The following OLR1 variants were observed in gnomAD, a reference collection of about 807,000 sequenced individuals.
The protein encoded by OLR1 is oxidized low density lipoprotein receptor 1.
In OLR1, 23 loss-of-function variants were observed where a neutral mutation model predicts 31.7. The ratio of observed to expected loss-of-function variants is 0.72; its 90% CI spans 0.52 to 1.03. OLR1 has a LOEUF of 1.03. Among genes scored for constraint, OLR1 ranks in the 50% least tolerant of loss-of-function variants. OLR1 has a pLI of 0.00. For missense variants in OLR1, 286 were observed against 315.7 expected, an observed-to-expected ratio of 0.91 and a Z score of 0.71; for synonymous variants, 117 against 115.8, an observed-to-expected ratio of 1.01 and a Z score of -0.07.
At position 10,172,014 on chromosome 12, in the gene OLR1, T is replaced by A. The variant is rs994354306; in HGVS notation, c.64A>T (p.Lys22Ter). The A allele has an allele frequency of 6.2e-7, 1 of 1,613,488 alleles. No homozygotes were observed. The highest frequency in any genetic ancestry group is 8.5e-7 in the Non-Finnish European group (1 of 1,179,424). Residue 22 changes from lysine (K) to a stop codon, truncating the protein, a stop_gained, in exon 1 of 6, where the codon AAA becomes TAA. Transcript: ENST00000309539. LOFTEE classifies it high-confidence loss of function. ...CCATCCCTAGTACCTTTAGCTTTTT[T>A]TCCATTTGACTTCTCATCAGGCTGG... ...KDQPDEKSNG[K>*]KAKGLQFLYS...
chr12:10,158,746 C>CT lies in OLR1; in HGVS notation c.*1133dup, dbSNP rs1948595288. 6.6e-6 allele frequency: 1 copy of CT among 151,354 alleles called. No homozygotes were observed. Among genetic ancestry groups the CT allele is most frequent in the South Asian group, 2.1e-4 (1 of 4,814 alleles). The allele number at this position is 151,354 out of a possible 1,614,324, so 9.4% of individuals were successfully genotyped here. A position where few individuals can be genotyped will look rare whatever the true frequency, so the allele number is the denominator to read the frequency against. The stretch of plus-strand genomic sequence containing the variant: ...TTATGTTAATTATATCTCAATAAAG[C>CT]TTTTAACAAAAGCAAACATCTCTTG... On this transcript the variant is annotated 3_prime_UTR_variant, in exon 6 of 6. Transcript: ENST00000309539.
upstream of OLR1, among the ~76,000 whole-genome samples, chr12:10,172,937 T>C (rs1251473584): frequency 6.6e-6 from 1 of 152,176 alleles, no homozygotes; most frequent in East Asian, 1.9e-4. Flanking sequence ...TTTTTTACAC[T>C]AGGTTTGTGA....
At position 10,160,834 on chromosome 12, in the gene OLR1, G is replaced by A. The variant is rs751140676; in HGVS notation, c.516C>T (p.Cys172=). 1.2e-6 allele frequency: 2 copies of A among 1,614,136 alleles called. No homozygotes were observed. Among genetic ancestry groups the A allele is most frequent in the African/African-American group, 2.7e-5 (2 of 75,016 alleles). The change falls in exon 4 of 6, where the codon TGC becomes TGT. Residue 172 remains cysteine (C), a synonymous_variant. Transcript: ENST00000309539. ...SFNWEKSQEK[C]LSLDAKLLKI... is the part of the protein sequence containing the mutation. ...TCAGCAACTTGGCATCCAAAGACAA[G>A]CACTTCTCTTGGCTCTTTTCCCAGT... is the stretch of plus-strand genomic sequence containing the variant.
At chr12:10,161,624 T>A (rs774558183) in intron 3 of OLR1, among the ~76,000 whole-genome samples, 130 of 152,184 alleles carry the variant, frequency 8.5e-4, no homozygotes, top group Middle Eastern at 3.4e-3. Context: ...TCCAGGCTGG[T>A]CTTGAACTCC....
intron 4 of OLR1, 160 bp downstream of exon 4, chr12:10,160,626 G>T: frequency 9.9e-7 from 1 of 1,014,142 alleles, no homozygotes; most frequent in Non-Finnish European, 1.5e-6. Flanking sequence ...ATACTACAGA[G>T]CCTGTCCGTC....
chr12:10,168,413 C>T (rs1253190151), intron 2 of OLR1, among the ~76,000 whole-genome samples: 2 of 152,146 alleles, frequency 1.3e-5, no homozygotes, highest in Non-Finnish European at 2.9e-5. Flanking sequence ...CTCAGATGAT[C>T]TTGGATATTA....
At chr12:10,171,888 T>G (rs191104702) in intron 1 of OLR1, 114 bp downstream of exon 1, 1 of 699,346 alleles carries the variant, frequency 1.4e-6, no homozygotes, top group Admixed American at 2.7e-5. Context: ...ATGGTATTAA[T>G]TCTATTTTCC....
At position 10,172,101 on chromosome 12, in the gene OLR1, G is replaced by A. The variant is rs1368271547; in HGVS notation, c.-24C>T. ...ATTTCCAAATTCAAGCTAAGAATGAGAGAGTGAAGCAGTCACGAACTTCAA... is the reference window on the plus strand; with the variant it reads ...ATTTCCAAATTCAAGCTAAGAATGAAAGAGTGAAGCAGTCACGAACTTCAA... On this transcript the variant is annotated 5_prime_UTR_variant, in exon 1 of 6. Coordinates refer to ENST00000309539, the MANE Select transcript of OLR1 (RefSeq NM_002543.4). 16 of 1,582,466 alleles carry A rather than the reference G, an allele frequency of 1.0e-5. No individual in the cohort carries two copies. The highest frequency in any genetic ancestry group is 1.2e-5 in the Non-Finnish European group (14 of 1,151,706).
intron 3 of OLR1, among the ~76,000 whole-genome samples, chr12:10,166,342 A>G (rs1183657016): frequency 6.6e-6 from 1 of 152,110 alleles, no homozygotes; most frequent in Non-Finnish European, 1.5e-5. Flanking sequence ...AGCCTAGCCA[A>G]CATGGTGAAA....
upstream of OLR1, among the ~76,000 whole-genome samples, chr12:10,173,249 GAAGT>G (rs747352912): frequency 6.6e-6 from 1 of 152,028 alleles, no homozygotes; most frequent in African/African-American, 2.4e-5. Flanking sequence ...TCTTCTGAAG[GAAGT>G]ATTTATAAGC....
chr12:10,161,958 T>G (rs1204732252), intron 3 of OLR1, among the ~76,000 whole-genome samples: 1 of 146,596 alleles, frequency 6.8e-6, no homozygotes, highest in African/African-American at 2.5e-5. Context: ...AAACACATAC[T>G]ATATTTCTTT....
intron 2 of OLR1, 85 bp downstream of exon 2, chr12:10,168,989 G>T: frequency 1.1e-6 from 1 of 898,728 alleles, no homozygotes; most frequent in Non-Finnish European, 1.6e-6. Flanking sequence ...TAGTTGTTAT[G>T]AAAGAAACTT....
chr12:10,166,966 C>T lies in OLR1; in HGVS notation c.179-9G>A, dbSNP rs1412779897. The T allele has an allele frequency of 1.9e-6, 3 of 1,610,634 alleles. No homozygotes were observed. Among genetic ancestry groups the T allele is most frequent in the Admixed American group, 1.7e-5 (1 of 59,124 alleles). The stretch of plus-strand genomic sequence containing the variant: ...GTCAGACACCTGGGATACTGAATCA[C>T]AGTTGCATTAAGACTCTAGTTCTAA... On this transcript the variant is annotated splice_polypyrimidine_tract_variant and intron_variant, in intron 2 of 5. Coordinates refer to ENST00000309539, the MANE Select transcript of OLR1 (RefSeq NM_002543.4).
chr12:10,160,322 G>C lies in OLR1; in HGVS notation c.680+25C>G, dbSNP rs558117034. 1.1e-5 allele frequency: 17 copies of C among 1,540,570 alleles called. No individual in the cohort carries two copies. In the South Asian group the frequency reaches 1.9e-4, roughly 17 times the overall value. On this transcript the variant is annotated intron_variant, in intron 5 of 5. Coordinates refer to ENST00000309539, the MANE Select transcript of OLR1 (RefSeq NM_002543.4). ...AAAGAATAGGAAACTGACGAGAGAGGCATCAAAAAGAATGGGAAACTTACA... is the reference window on the plus strand; with the variant it reads ...AAAGAATAGGAAACTGACGAGAGAGCCATCAAAAAGAATGGGAAACTTACA...
chr12:10,170,580 C>A (rs1210087235), intron 1 of OLR1: 1 of 151,512 alleles, frequency 6.6e-6, no homozygotes, highest in Non-Finnish European at 1.5e-5. Context: ...CAACCTCCGC[C>A]TCCTGGGTTC....
At position 10,159,375 on chromosome 12, in the gene OLR1, G is replaced by A. The variant is rs1948601322; in HGVS notation, c.*505C>T. On this transcript the variant is annotated 3_prime_UTR_variant, in exon 6 of 6. Coordinates refer to ENST00000309539, the MANE Select transcript of OLR1 (RefSeq NM_002543.4). ...GATGGACCACAGTTTAAAAACCAAG[G>A]ATTGATACCTTTTTTAAAGTTAAGA... 6.5e-6 allele frequency: 1 copy of A among 154,030 alleles called. No homozygotes were observed. The highest frequency in any genetic ancestry group is 1.4e-5 in the Non-Finnish European group (1 of 69,096). The allele number at this position is 154,030 out of a possible 1,614,324, so 9.5% of individuals were successfully genotyped here.
At chr12:10,162,822 T>C (rs1948630935) in intron 3 of OLR1, among the ~76,000 whole-genome samples, 1 of 152,280 alleles carries the variant, frequency 6.6e-6, no homozygotes, top group African/African-American at 2.4e-5. Flanking sequence ...AGGAAGACTC[T>C]GTCTCAAAAA....
At chr12:10,176,161 C>T (rs1015792797), upstream of OLR1, among the ~76,000 whole-genome samples, 2 of 152,216 alleles carry the variant, frequency 1.3e-5, no homozygotes, top group Admixed American at 6.5e-5. Context: ...TTCGTTCAGT[C>T]TTCTTGTCTG....
In OLR1 at chr12:10,159,992, G is replaced by T; in HGVS notation, c.710C>A (p.Thr237Lys). The change falls in exon 6 of 6, where the codon ACA becomes AAA. Residue 237 changes from threonine to lysine, a missense_variant. Coordinates refer to ENST00000309539, the MANE Select transcript of OLR1 (RefSeq NM_002543.4). ...LFRVRGAVSQ[T>K]YPSGTCAYIQ... ...ATATGCACAGGTACCTGAAGGGTAT[G>T]TCTGGGAGACAGCGCCTCGGACTCT... The T allele has an allele frequency of 1.9e-6, 3 of 1,613,202 alleles. No individual in the cohort carries two copies.
Sources: gnomAD v4.1 joint callset for allele counts (sites outside exome capture counted in the v4.1 genomes callset) on GRCh38, gnomAD v4.1.1 for gene constraint, MANE v1.5 for transcripts, NCBI Gene and HGNC (gene_info 2026-07-23, HGNC 2026-07-21) for gene names.